ZNF385B: variants seen among roughly 807,000 people sequenced by gnomAD.
ZNF385B encodes the protein zinc finger protein 533.
In ZNF385B, 23 loss-of-function variants were observed where a neutral mutation model predicts 39.2. The ratio of observed to expected loss-of-function variants is 0.59; its 90% confidence interval spans 0.42 to 0.83. The LOEUF (loss-of-function observed/expected upper bound fraction) is 0.83. Ranked by LOEUF, ZNF385B falls within the 40% of genes least tolerant of loss-of-function variation. The pLI is 0.00. For missense variants in ZNF385B, 552 were observed against 598.9 expected (o/e 0.92, Z 0.82); for synonymous variants, 205 against 222.6 (o/e 0.92, Z 0.70).
chr2:179,831,391 C>G (rs2106598025), intron 1 of ZNF385B, among the ~76,000 whole-genome samples: 2 of 152,034 alleles, frequency 1.3e-5, no homozygotes, highest in Middle Eastern at 6.8e-3. Flanking sequence ...GCACTCTTAA[C>G]CACAGTGCTG....
chr2:179,493,689 A>ATATATGTATACACATATGCATATACG (rs2055666307), intron 5 of ZNF385B, among the ~76,000 whole-genome samples: 4 of 96,142 alleles, frequency 4.2e-5, no homozygotes, highest in South Asian at 3.5e-4. Context: ...ACATATACAC[A>ATATATGTATACACATATGCATATACG]TATATACATA....
At chr2:179,536,019 T>G (rs2059543703) in intron 4 of ZNF385B, among the ~76,000 whole-genome samples, 1 of 152,220 alleles carries the variant, frequency 6.6e-6, no homozygotes, top group Admixed American at 6.5e-5. Flanking sequence ...TATCACTGAT[T>G]AAAGTTTATA....
intron 1 of ZNF385B, among the ~76,000 whole-genome samples, chr2:179,809,377 A>G (rs1020199820): frequency 6.6e-6 from 1 of 152,164 alleles, no homozygotes; most frequent in Non-Finnish European, 1.5e-5. Context: ...TTTATAGCTT[A>G]TTCTATTTTG....
intron 3 of ZNF385B, among the ~76,000 whole-genome samples, chr2:179,749,492 C>T (rs1036362046): frequency 1.2e-4 from 19 of 152,120 alleles, no homozygotes; most frequent in African/African-American, 4.6e-4. Flanking sequence ...TCAGCTGTAA[C>T]ATTCCAGAGG....
At chr2:179,624,982 G>C (rs1165650467) in intron 3 of ZNF385B, among the ~76,000 whole-genome samples, 1 of 152,066 alleles carries the variant, frequency 6.6e-6, no homozygotes, top group Non-Finnish European at 1.5e-5. Context: ...AGTGATATTA[G>C]AATAGGCAAA....
chr2:179,707,853 T>C (rs887750777), intron 3 of ZNF385B, among the ~76,000 whole-genome samples: 3 of 152,216 alleles, frequency 2.0e-5, no homozygotes, highest in African/African-American at 4.8e-5. Flanking sequence ...AACAGCCTAA[T>C]GCTTTTCTGG....
chr2:179,783,845 A>G (rs1704823538), intron 1 of ZNF385B, among the ~76,000 whole-genome samples: 1 of 152,196 alleles, frequency 6.6e-6, no homozygotes. Flanking sequence ...GGTTGCAGAA[A>G]AAAGGAACAC....
At chr2:179,659,305 T>C (rs1043038736) in intron 3 of ZNF385B, among the ~76,000 whole-genome samples, 1 of 152,200 alleles carries the variant, frequency 6.6e-6, no homozygotes, top group African/African-American at 2.4e-5. Context: ...TCCAAATAAA[T>C]AATCCAAGCC....
At chr2:179,790,688 A>T (rs192219330) in intron 1 of ZNF385B, among the ~76,000 whole-genome samples, 1 of 152,202 alleles carries the variant, frequency 6.6e-6, no homozygotes, top group East Asian at 1.9e-4. Flanking sequence ...CCACCACCTA[A>T]CAAATACTCT....
intron 3 of ZNF385B, among the ~76,000 whole-genome samples, chr2:179,690,996 C>A (rs1160583396): frequency 1.3e-5 from 2 of 152,164 alleles, no homozygotes; most frequent in Admixed American, 1.3e-4. Flanking sequence ...TCCATCTGCA[C>A]CTACCTTGCT....
chr2:179,733,347 T>C (rs1429571327), intron 3 of ZNF385B, among the ~76,000 whole-genome samples: 11 of 152,248 alleles, frequency 7.2e-5, no homozygotes, highest in Non-Finnish European at 1.5e-5. Flanking sequence ...AAAGTCATCA[T>C]CTAGCAACTC....
At chr2:179,843,672 T>C (rs958184490) in intron 1 of ZNF385B, among the ~76,000 whole-genome samples, 1 of 152,336 alleles carries the variant, frequency 6.6e-6, no homozygotes, top group East Asian at 1.9e-4. Flanking sequence ...TTGGTATATG[T>C]GCCCTTCCAG....
intron 1 of ZNF385B, among the ~76,000 whole-genome samples, chr2:179,806,438 G>C (rs923779822): frequency 2.6e-5 from 4 of 152,172 alleles, no homozygotes; most frequent in African/African-American, 9.7e-5. Flanking sequence ...GTGAGGCATG[G>C]AGGTCATGAA....
intron 6 of ZNF385B, among the ~76,000 whole-genome samples, chr2:179,453,512 T>C (rs2050361917): frequency 6.6e-6 from 1 of 152,056 alleles, no homozygotes; most frequent in African/African-American, 2.4e-5. Flanking sequence ...CTAATAAAGC[T>C]AGAAATGGAG....
intron 4 of ZNF385B, among the ~76,000 whole-genome samples, chr2:179,527,869 T>C (rs1159894816): frequency 3.9e-5 from 6 of 152,194 alleles, no homozygotes; most frequent in Admixed American, 3.9e-4. Context: ...ACATTCTAGT[T>C]GGGAAGACCC....
At chr2:179,520,420 T>G (rs1449659429) in intron 4 of ZNF385B, among the ~76,000 whole-genome samples, 1 of 152,150 alleles carries the variant, frequency 6.6e-6, no homozygotes, top group African/African-American at 2.4e-5. Context: ...CTGATTGTAT[T>G]AAATTTTATT....
intron 1 of ZNF385B, among the ~76,000 whole-genome samples, chr2:179,805,465 AG>A (rs1706292314): frequency 6.6e-6 from 1 of 152,244 alleles, no homozygotes. Context: ...TGGACAGGGT[AG>A]GTATTTCTTA....
chr2:179,529,129 A>G (rs1036862469), intron 4 of ZNF385B, among the ~76,000 whole-genome samples: 1 of 152,222 alleles, frequency 6.6e-6, no homozygotes, highest in Non-Finnish European at 1.5e-5. Context: ...CTGAAATTCT[A>G]TCGCATAGGT....
At chr2:179,744,717 C>A (rs556754161) in intron 3 of ZNF385B, among the ~76,000 whole-genome samples, 1 of 152,154 alleles carries the variant, frequency 6.6e-6, no homozygotes, top group Non-Finnish European at 1.5e-5. Flanking sequence ...TATACATACA[C>A]ACCCCATGTG....
Sources: gnomAD v4.1 joint callset for allele counts (sites outside exome capture counted in the v4.1 genomes callset) on GRCh38, gnomAD v4.1.1 for gene constraint, MANE v1.5 for transcripts, NCBI Gene and HGNC (gene_info 2026-07-23, HGNC 2026-07-21) for gene names.